FRMD8: variants seen among roughly 807,000 people sequenced by gnomAD.
FRMD8 encodes the protein FERM domain-containing protein 8.
In FRMD8, 37 loss-of-function variants were observed where a neutral mutation model predicts 54.2. The observed-to-expected ratio is 0.68, with a 90% confidence interval of 0.53 to 0.90. The LOEUF (loss-of-function observed/expected upper bound fraction) is 0.90. Among genes scored for constraint, FRMD8 ranks in the 40% least tolerant of loss-of-function variants. FRMD8 has a pLI of 0.00. For synonymous variants in FRMD8, 246 were observed against 286.9 expected (o/e 0.86, Z 1.44); for missense variants, 585 against 653.7 (o/e 0.89, Z 1.15).
Position 65,394,269 on chromosome 11 carries a change from A to G in FRMD8, c.425A>G (p.Glu142Gly). The G allele has an allele frequency of 3.7e-6, 6 of 1,600,386 alleles. No individual in the cohort carries two copies. Among genetic ancestry groups the G allele is most frequent in the Non-Finnish European group, 5.1e-6 (6 of 1,173,742 alleles). Residue 142 changes from glutamate (E) to glycine (G), a missense_variant, in exon 6 of 11, where the codon GAG (glutamate) becomes GGG (glycine). Transcript: ENST00000317568. ...CACACCCCCCTGCAGATCCATGACG[A>G]GGAGGTCCTGCGGCTGCTCTATGAG... ...PKRRELQIHDEEVLRLLYEEA... is the reference protein window; with the variant it reads ...PKRRELQIHDGEVLRLLYEEA...
In FRMD8 at chr11:65,391,344, C is replaced by A. The variant is rs189517335; in HGVS notation, c.253+1816C>A. On this transcript the variant is annotated intron_variant, in intron 3 of 10. Coordinates refer to ENST00000317568, the MANE Select transcript of FRMD8 (RefSeq NM_031904.5). ...AGGCTGGTCAGGGCTGGGCTGTAGG[C>A]AGCAGGAAGGACATCCTTGTCTCCA... 7.0e-3 allele frequency among the ~76,000 whole-genome samples: 1,059 copies of A among 152,206 alleles called. 6 individuals are homozygous for A. Among genetic ancestry groups the A allele is most frequent in the Non-Finnish European group, 0.01 (713 of 67,994 alleles).
At chr11:65,384,851 C>T (rs890389506), upstream of FRMD8, among the ~76,000 whole-genome samples, 2 of 152,076 alleles carry the variant, frequency 1.3e-5, no homozygotes, top group African/African-American at 4.8e-5. Context: ...TGGCTAGGAC[C>T]ACAGATGTGT....
chr11:65,373,640 A>G, the FRMD8 span, among the ~76,000 whole-genome samples: 1 of 152,274 alleles, frequency 6.6e-6, no homozygotes, highest in East Asian at 1.9e-4. Context: ...ACGCTGGAGT[A>G]CAGTGGCGCA....
At chr11:65,394,500 C>G in intron 6 of FRMD8, 75 bp downstream of exon 6, 1 of 1,497,006 alleles carries the variant, frequency 6.7e-7, no homozygotes, top group Non-Finnish European at 8.9e-7. Flanking sequence ...TACAAGCAGT[C>G]TTCAGTCTCG....
intron 7 of FRMD8, 141 bp downstream of exon 7, chr11:65,397,161 C>T: frequency 2.1e-6 from 1 of 482,514 alleles, no homozygotes; most frequent in Non-Finnish European, 3.6e-6. Context: ...GCACCTCAGG[C>T]CCCACCGTTC....
At chr11:65,379,485 T>C in the FRMD8 span, 58 of 1,614,004 alleles carry the variant, frequency 3.6e-5, no homozygotes, top group Non-Finnish European at 4.8e-5. Context: ...GGTGTTGCTA[T>C]AGACCCCAAA....
intron 10 of FRMD8, among the ~76,000 whole-genome samples, chr11:65,408,168 G>A (rs1255632722): frequency 1.3e-5 from 2 of 149,978 alleles, no homozygotes; most frequent in African/African-American, 2.5e-5. Flanking sequence ...TCCACCTCCC[G>A]GGTTCAAGCG....
intron 3 of FRMD8, 59 bp from the exon 4 acceptor site, chr11:65,393,507 TAGGTGGA>T (rs763373605): frequency 1.9e-4 from 231 of 1,204,618 alleles, no homozygotes; most frequent in Non-Finnish European, 2.7e-4. Flanking sequence ...TGCGGTGTGA[TAGGTGGA>T]AGGGCAGCCA....
chr11:65,380,818 T>G, the FRMD8 span: 421 of 333,584 alleles, frequency 1.3e-3, no homozygotes, highest in African/African-American at 8.1e-3. Context: ...GAAGCTGGGC[T>G]GGGACCACAG....
chr11:65,376,677 T>TG, the FRMD8 span: 1 of 1,613,802 alleles, frequency 6.2e-7, no homozygotes, highest in Non-Finnish European at 8.5e-7. Flanking sequence ...TGGCTGAGCC[T>TG]GGGGCAGAGA....
chr11:65,394,015 G>A (rs778534020), intron 4 of FRMD8, 26 bp from the exon 5 acceptor site: 9 of 1,613,298 alleles, frequency 5.6e-6, no homozygotes, highest in Non-Finnish European at 7.6e-6. Flanking sequence ...GGGGATGCCC[G>A]GCAGTGACCC....
chr11:65,391,005 C>T (rs1590648077), intron 3 of FRMD8, among the ~76,000 whole-genome samples: 1 of 152,160 alleles, frequency 6.6e-6, no homozygotes, highest in Admixed American at 6.5e-5. Flanking sequence ...GTGACTTGGG[C>T]CCCCCCAGAA....
rs200487945 is a variant in FRMD8, at chr11:65,404,377, C to T, written c.1072-487C>T. Among the ~76,000 whole-genome samples, 7 of 152,288 alleles carry T rather than the reference C, an allele frequency of 4.6e-5. No individual in the cohort carries two copies. The East Asian group carries it at 1.4e-3, about 29-fold the overall frequency. ...TGCTGCATCTTTTCTGTCAGTGTGC[C>T]TCATGCTTCACACCTGTTGAGTAGG... On this transcript the variant is annotated intron_variant, in intron 9 of 10. Transcript: ENST00000317568. This position sits in a 1 kb window ranked among gnomAD's most constrained non-coding sequence, Gnocchi z 4.7.
rs998012739 is a variant in FRMD8 at position 65,404,507 on chromosome 11, C to T, written c.1072-357C>T. Among the ~76,000 whole-genome samples the T allele has an allele frequency of 5.3e-5, 8 of 151,990 alleles. No homozygotes were observed. Among genetic ancestry groups the T allele is most frequent in the Non-Finnish European group, 1.0e-4 (7 of 67,932 alleles). On this transcript the variant is annotated intron_variant, in intron 9 of 10. Transcript: ENST00000317568. This position sits in a 1 kb window ranked among gnomAD's most constrained non-coding sequence, Gnocchi z 4.7. The stretch of plus-strand genomic sequence containing the variant: ...GGTTTTCCTCCCAGCCAGCACCACC[C>T]GCCTCCCCGCCCCGCTTCCCCACTC...
At chr11:65,391,832 A>G (rs1565598843) in intron 3 of FRMD8, among the ~76,000 whole-genome samples, 4 of 152,154 alleles carry the variant, frequency 2.6e-5, no homozygotes, top group Admixed American at 6.5e-5. Flanking sequence ...TTTAGAGCCT[A>G]AAGGATGGTA....
At chr11:65,380,073 A>T in the FRMD8 span, 1 of 1,578,030 alleles carries the variant, frequency 6.3e-7, no homozygotes, top group Non-Finnish European at 8.7e-7. Context: ...ATCTCAGGGC[A>T]CCCTGACATT....
chr11:65,379,436 C>T, the FRMD8 span: 1 of 1,613,756 alleles, frequency 6.2e-7, no homozygotes, highest in Non-Finnish European at 8.5e-7. Flanking sequence ...GCGGCTGGGC[C>T]CGCCGCTCCT....
Position 65,411,310 on chromosome 11 carries a change from C to T in FRMD8, c.1345C>T (p.Gln449Ter), listed in dbSNP as rs1035432938. ...CTTCAGCCGGCAGCTGTCCTTGGGC[C>T]AGGGGAGCTACACCGTGGTGCAGCC... ...SFFSRQLSLG[Q>*]GSYTVVQPGD... The change falls in exon 11 of 11, where the codon CAG becomes TAG. Residue 449 changes from glutamine (Q) to a stop codon, truncating the protein, a stop_gained. Coordinates refer to ENST00000317568, the MANE Select transcript of FRMD8 (RefSeq NM_031904.5). LOFTEE classifies it high-confidence loss of function. 1.2e-6 allele frequency: 2 copies of T among 1,608,918 alleles called. No individual in the cohort carries two copies. Among genetic ancestry groups the T allele is most frequent in the African/African-American group, 1.3e-5 (1 of 74,802 alleles).
chr11:65,413,061 A>G lies in FRMD8; in HGVS notation c.*1701A>G, dbSNP rs1369710304. 6.6e-6 allele frequency: 1 copy of G among 152,084 alleles called. No homozygotes were observed. Among genetic ancestry groups the G allele is most frequent in the Admixed American group, 6.6e-5 (1 of 15,264 alleles). 9.4% of individuals were successfully genotyped at this position (152,084 alleles called of 1,614,324 possible). On this transcript the variant is annotated 3_prime_UTR_variant, in exon 11 of 11. Transcript: ENST00000317568. ...TGCCCAGGCAGGAGTGCAGTGGCGC[A>G]TCTCGGCTCACTGCAACCTCTGTCT...
Sources: allele counts gnomAD v4.1 joint callset (sites outside exome capture counted in the v4.1 genomes callset), GRCh38; gene constraint gnomAD v4.1.1; non-coding constraint Gnocchi (gnomAD v3.1); transcripts MANE v1.5; gene names NCBI Gene and HGNC (gene_info 2026-07-23, HGNC 2026-07-21).